The following PHRF1 variants were observed in gnomAD, a reference collection of about 807,000 sequenced individuals.
The protein encoded by PHRF1 is PHD and RING finger domain-containing protein 1.
In PHRF1, 53 loss-of-function variants were observed where a neutral mutation model predicts 128.9. The ratio of observed to expected loss-of-function variants is 0.41; its 90% confidence interval spans 0.33 to 0.52. PHRF1 has a LOEUF of 0.52. Ranked by LOEUF, PHRF1 falls within the 20% of genes least tolerant of loss-of-function variation. PHRF1 has a pLI of 0.21. For missense variants in PHRF1, 2,503 were observed against 2,284.5 expected (o/e 1.10, Z -1.95); for synonymous variants, 1,178 against 980.6 (o/e 1.20, Z -3.76).
At chr11:583,076 C>T (rs986067483) in intron 3 of PHRF1, among the ~76,000 whole-genome samples, 3 of 144,418 alleles carry the variant, frequency 2.1e-5, no homozygotes, top group Non-Finnish European at 4.5e-5. Flanking sequence ...CGCGGTGGCT[C>T]ACGCCTGTAA....
At position 610,190 on chromosome 11, in the gene PHRF1, C is replaced by G; in HGVS notation, c.4265-6C>G. ...GCACCCACCTCCCTGTCTGTCGGGCCCCCAGGGGCACCACTTCACAGGCCA... is the reference window on the plus strand; with the variant it reads ...GCACCCACCTCCCTGTCTGTCGGGCGCCCAGGGGCACCACTTCACAGGCCA... On this transcript the variant is annotated splice_region_variant and splice_polypyrimidine_tract_variant and intron_variant, in intron 14 of 17. Coordinates refer to ENST00000264555, the MANE Select transcript of PHRF1 (RefSeq NM_001286581.2). 6.6e-7 allele frequency: 1 copy of G among 1,505,318 alleles called. No homozygotes were observed. Among genetic ancestry groups the G allele is most frequent in the South Asian group, 1.3e-5 (1 of 78,770 alleles). The allele number at this position is 1,505,318 out of a possible 1,614,324, so 93.2% of individuals were successfully genotyped here.
Position 597,643 on chromosome 11 carries a change from G to A in PHRF1, c.894+73G>A. On this transcript the variant is annotated intron_variant, in intron 8 of 17. Coordinates refer to ENST00000264555, the MANE Select transcript of PHRF1 (RefSeq NM_001286581.2). This position sits in a 1 kb window ranked among gnomAD's most constrained non-coding sequence, Gnocchi z 6.5. ...AGTGATCTCGGCAGTCTGGGTGGGTGGGAGGGGCGTCGTCGGCACTGTGGG... is the reference window on the plus strand; with the variant it reads ...AGTGATCTCGGCAGTCTGGGTGGGTAGGAGGGGCGTCGTCGGCACTGTGGG... 6.6e-7 allele frequency: 1 copy of A among 1,505,584 alleles called. No individual in the cohort carries two copies. Among genetic ancestry groups the A allele is most frequent in the South Asian group, 1.2e-5 (1 of 81,140 alleles). The allele number at this position is 1,505,584 out of a possible 1,614,324, so 93.3% of individuals were successfully genotyped here.
At chr11:579,892 C>T (rs1339485220) in intron 1 of PHRF1, among the ~76,000 whole-genome samples, 6 of 152,174 alleles carry the variant, frequency 3.9e-5, no homozygotes, top group Admixed American at 6.5e-5. Flanking sequence ...GTGAGGCCGT[C>T]CTGGTTTCTG....
Position 609,354 on chromosome 11 carries a change from G to C in PHRF1, c.3898G>C (p.Glu1300Gln), listed in dbSNP as rs1282369298. 1 of 1,612,310 alleles carries C rather than the reference G, an allele frequency of 6.2e-7. No homozygotes were observed. The highest frequency in any genetic ancestry group is 8.5e-7 in the Non-Finnish European group (1 of 1,179,884). The change falls in exon 14 of 18, where the codon GAG (glutamate) becomes CAG (glutamine). Residue 1300 changes from glutamate (E) to glutamine (Q), a missense_variant. Coordinates refer to ENST00000264555, the MANE Select transcript of PHRF1 (RefSeq NM_001286581.2). ...PSPESTDSSPERDFPLKPALP... is the reference protein window; with the variant it reads ...PSPESTDSSPQRDFPLKPALP... ...TCCCGAAAGCACAGACTCTTCCCCG[G>C]AGCGAGACTTCCCACTGAAGCCTGC...
Position 597,181 on chromosome 11 carries a change from C to T in PHRF1, c.718+161C>T, listed in dbSNP as rs1432462550. Among the ~76,000 whole-genome samples the T allele has an allele frequency of 1.3e-5, 2 of 151,746 alleles. No individual in the cohort carries two copies. The highest frequency in any genetic ancestry group is 2.9e-5 in the Non-Finnish European group (2 of 67,894). Reference sequence around the variant, plus strand: ...GTCGGGAGGACATCTAGGGCTGTCTCGGGCTCGTCTTCTCGGGGATGTGTG... The same window carrying T: ...GTCGGGAGGACATCTAGGGCTGTCTTGGGCTCGTCTTCTCGGGGATGTGTG... On this transcript the variant is annotated intron_variant, in intron 7 of 17. Coordinates refer to ENST00000264555, the MANE Select transcript of PHRF1 (RefSeq NM_001286581.2). The surrounding 1 kb of genome is among the most constrained non-coding windows in gnomAD (Gnocchi z 6.5).
At chr11:596,831 A>G in intron 6 of PHRF1, 92 bp from the exon 7 acceptor site, 1 of 1,110,720 alleles carries the variant, frequency 9.0e-7, no homozygotes, top group South Asian at 1.3e-5. Context: ...CTTGGGTGCC[A>G]TCGGAGGCCT....
chr11:591,353 A>G, intron 4 of PHRF1, 31 bp from the exon 5 acceptor site: 6 of 1,566,530 alleles, frequency 3.8e-6, no homozygotes, highest in Non-Finnish European at 5.2e-6. Flanking sequence ...AGTGATTGAC[A>G]AGATTCTGAT....
At chr11:584,178 C>G (rs1464991880) in intron 3 of PHRF1, among the ~76,000 whole-genome samples, 3 of 152,184 alleles carry the variant, frequency 2.0e-5, no homozygotes, top group African/African-American at 7.2e-5. Context: ...TCTGCAGGTC[C>G]TGAGGGGCTT....
intron 3 of PHRF1, among the ~76,000 whole-genome samples, chr11:583,758 C>T (rs575599292): frequency 4.6e-5 from 7 of 152,252 alleles, no homozygotes; most frequent in Non-Finnish European, 7.4e-5. Context: ...GAGACAAGTC[C>T]GTGGGGTGCG....
intron 9 of PHRF1, 30 bp from the exon 10 acceptor site, chr11:601,544 G>T (rs1462387776): frequency 1.2e-6 from 2 of 1,613,042 alleles, no homozygotes; most frequent in Non-Finnish European, 1.7e-6. Context: ...CCAGCACAGA[G>T]AAGCACAGAC....
intron 10 of PHRF1, among the ~76,000 whole-genome samples, chr11:604,350 G>T (rs1216544712): frequency 1.3e-5 from 2 of 152,264 alleles, no homozygotes; most frequent in African/African-American, 4.8e-5. Context: ...GGCGACGCCT[G>T]CCTTCAGGCG....
intron 3 of PHRF1, among the ~76,000 whole-genome samples, chr11:584,660 G>T (rs1208265323): frequency 6.6e-6 from 1 of 152,092 alleles, no homozygotes; most frequent in Non-Finnish European, 1.5e-5. Flanking sequence ...CCCGAAGGAA[G>T]GGGATGGGAA....
At chr11:588,376 TC>T (rs2132906283) in intron 4 of PHRF1, among the ~76,000 whole-genome samples, 1 of 151,224 alleles carries the variant, frequency 6.6e-6, no homozygotes, top group African/African-American at 2.4e-5. Flanking sequence ...CTTAGACTTT[TC>T]TTTTTTTTTT....
chr11:583,297 A>G (rs934825359), intron 3 of PHRF1, among the ~76,000 whole-genome samples: 3 of 152,046 alleles, frequency 2.0e-5, no homozygotes, highest in South Asian at 2.1e-4. Context: ...CAAGATCGCC[A>G]CTGCACTCCA....
At chr11:602,594 C>T (rs547899576) in intron 10 of PHRF1, among the ~76,000 whole-genome samples, 1 of 151,834 alleles carries the variant, frequency 6.6e-6, no homozygotes, top group East Asian at 2.0e-4. Flanking sequence ...GCAGGAGAAT[C>T]ACTTGAACCC....
Position 609,023 on chromosome 11 carries a change from C to T in PHRF1, c.3567C>T (p.Ser1189=), listed in dbSNP as rs781113778. The T allele has an allele frequency of 3.8e-6, 6 of 1,596,274 alleles. No individual in the cohort carries two copies. The highest frequency in any genetic ancestry group is 2.7e-5 in the African/African-American group (2 of 74,614). Residue 1189 remains serine, a synonymous_variant, in exon 14 of 18, where the codon TCC becomes TCT. Coordinates refer to ENST00000264555, the MANE Select transcript of PHRF1 (RefSeq NM_001286581.2). ...RSREKWPQTR[S]HSPERKGAVR... ...GTGAGAAGTGGCCGCAGACCCGGTC[C>T]CATTCCCCAGAGAGGAAGGGGGCTG...
intron 6 of PHRF1, among the ~76,000 whole-genome samples, chr11:595,760 TG>T (rs1855239611): frequency 6.6e-6 from 1 of 152,148 alleles, no homozygotes; most frequent in Non-Finnish European, 1.5e-5. Flanking sequence ...GGTGGGAAAG[TG>T]GGTTGGACGT....
At chr11:610,906 G>T (rs1379400766) in intron 16 of PHRF1, 48 bp from the exon 17 acceptor site, 1 of 1,603,376 alleles carries the variant, frequency 6.2e-7, no homozygotes, top group Non-Finnish European at 8.5e-7. Flanking sequence ...CTGGCCAGAG[G>T]GACTCCCGGC....
intron 1 of PHRF1, among the ~76,000 whole-genome samples, chr11:580,129 A>G (rs925110154): frequency 6.6e-6 from 1 of 152,164 alleles, no homozygotes; most frequent in African/African-American, 2.4e-5. Context: ...TGGGAAACAG[A>G]GTGCTGCAGG....
Sources: gnomAD v4.1 joint callset for allele counts (sites outside exome capture counted in the v4.1 genomes callset) on GRCh38, gnomAD v4.1.1 for gene constraint, Gnocchi (gnomAD v3.1) non-coding constraint, MANE v1.5 for transcripts, NCBI Gene and HGNC (gene_info 2026-07-23, HGNC 2026-07-21) for gene names.